Variants in FCRL3 observed in about 807,000 individuals in gnomAD.
FCRL3 encodes Fc receptor-like protein 3.
FCRL3 carries 89 observed loss-of-function variants against 75.0 expected under a neutral mutation model. That is an observed-to-expected ratio of 1.19 (90% CI 1.00 to 1.42). The LOEUF is 1.42. FCRL3 is among the 40% of genes most tolerant of loss of function. The probability of loss-of-function intolerance (pLI) is 0.00; values close to 1 mark genes in which losing one functional copy is unlikely to be tolerated. For missense variants in FCRL3, 946 were observed against 880.0 expected, an observed-to-expected ratio of 1.07 and a Z score of -0.95; for synonymous variants, 376 against 348.5, an observed-to-expected ratio of 1.08 and a Z score of -0.88.
intron 9 of FCRL3, 149 bp downstream of exon 9, chr1:157,690,106 C>A: frequency 7.8e-7 from 1 of 1,289,314 alleles, no homozygotes; most frequent in East Asian, 2.4e-5. Flanking sequence ...TTCCCTCTCC[C>A]ATATAAAATC....
At position 157,699,713 on chromosome 1, in the gene FCRL3, C is replaced by T; in HGVS notation, c.32-1G>A. 3 of 1,613,406 alleles carry T rather than the reference C, an allele frequency of 1.9e-6. No individual in the cohort carries two copies. The highest frequency in any genetic ancestry group is 2.5e-6 in the Non-Finnish European group (3 of 1,179,734). On this transcript the variant is annotated splice_acceptor_variant, in intron 2 of 14. Transcript: ENST00000368184. LOFTEE classifies it high-confidence loss of function. The stretch of plus-strand genomic sequence containing the variant: ...TTACCTGATTGTTCTCTTCCAGGAG[C>T]TGTGAGGGAGCAGAAAATGACAATC...
At chr1:157,698,722 T>C (rs2101627369) in intron 3 of FCRL3, 93 bp from the exon 4 acceptor site, 1 of 1,346,220 alleles carries the variant, frequency 7.4e-7, no homozygotes, top group African/African-American at 1.4e-5. Flanking sequence ...GGAGTTTTCC[T>C]GGACTAATTT....
rs1360835155 is a variant in FCRL3, at chr1:157,676,552, G to A, written c.*2158C>T. On this transcript the variant is annotated 3_prime_UTR_variant, in exon 15 of 15. Coordinates refer to ENST00000368184, the MANE Select transcript of FCRL3 (RefSeq NM_052939.4). The stretch of plus-strand genomic sequence containing the variant: ...CTTTTTTTAGATTTCTGGGCTATGG[G>A]TTTTTAGTTGTGAATTCAAAGATAA... The A allele has an allele frequency of 4.6e-6, 3 of 655,054 alleles. No individual in the cohort carries two copies. Among genetic ancestry groups the A allele is most frequent in the East Asian group, 2.9e-5 (1 of 34,870 alleles). The allele number at this position is 655,054 out of a possible 1,614,324, so 40.6% of individuals were successfully genotyped here.
At chr1:157,694,065 A>AT (rs1402215147) in intron 8 of FCRL3, among the ~76,000 whole-genome samples, 1 of 151,744 alleles carries the variant, frequency 6.6e-6, no homozygotes, top group Non-Finnish European at 1.5e-5. Context: ...TTTAATTTCT[A>AT]TTTTTTCTGT....
At chr1:157,693,339 A>G (rs1655676661) in intron 8 of FCRL3, among the ~76,000 whole-genome samples, 1 of 152,044 alleles carries the variant, frequency 6.6e-6, no homozygotes, top group Admixed American at 6.6e-5. Context: ...TACAAGAACA[A>G]CTAATGAACA....
rs1655424569 is a variant in FCRL3 at position 157,690,164 on chromosome 1, C to T, written c.1690+91G>A. On this transcript the variant is annotated intron_variant, in intron 9 of 14. Coordinates refer to ENST00000368184, the MANE Select transcript of FCRL3 (RefSeq NM_052939.4). ...AAGCCTTCGTGTGCATGTTCAAAAC[C>T]TCCTTGGTGCTAGTAGAATTTGTAC... 2.6e-6 allele frequency: 4 copies of T among 1,523,182 alleles called. No homozygotes were observed. In the East Asian group the frequency reaches 9.1e-5, roughly 35 times the overall value. 94.4% of individuals were successfully genotyped at this position (1,523,182 alleles called of 1,614,324 possible).
intron 13 of FCRL3, among the ~76,000 whole-genome samples, chr1:157,679,714 G>A (rs1031182711): frequency 7.3e-5 from 11 of 150,450 alleles, no homozygotes; most frequent in Admixed American, 2.0e-4. Context: ...CTGTAATCCC[G>A]GCTACTTAGG....
chr1:157,677,341 G>T lies in FCRL3; in HGVS notation c.*1369C>A. On this transcript the variant is annotated 3_prime_UTR_variant, in exon 15 of 15. Coordinates refer to ENST00000368184, the MANE Select transcript of FCRL3 (RefSeq NM_052939.4). The stretch of plus-strand genomic sequence containing the variant: ...GTAAGACATTCCCTAGGGACTCCAA[G>T]AAATATTGATTAGAGGAAGATGTGG... The T allele has an allele frequency of 4.1e-6, 4 of 986,270 alleles. No individual in the cohort carries two copies. Among genetic ancestry groups the T allele is most frequent in the Non-Finnish European group, 4.8e-6 (4 of 830,490 alleles). The allele number at this position is 986,270 out of a possible 1,614,324, so 61.1% of individuals were successfully genotyped here.
In FCRL3 at chr1:157,697,878, C is replaced by T. The variant is rs1459275842; in HGVS notation, c.340G>A (p.Asp114Asn). 2 of 1,613,960 alleles carry T rather than the reference C, an allele frequency of 1.2e-6. No individual in the cohort carries two copies. Among genetic ancestry groups the T allele is most frequent in the African/African-American group, 2.7e-5 (2 of 74,906 alleles). ...CCCTGACATCTCAGAATGACATTGT[C>T]TCCTTCAAAGACAGGATGTAAAGCC... ...LQALHPVFEG[D>N]NVILRCQGKD... The change falls in exon 5 of 15, where the codon GAC becomes AAC. Residue 114 changes from aspartate to asparagine, a missense_variant. Physicochemically the swap from Asp to Asn is conservative, Grantham distance 23. Transcript: ENST00000368184.
chr1:157,680,814 A>AT, intron 12 of FCRL3, 44 bp from the exon 13 acceptor site: 1 of 1,558,792 alleles, frequency 6.4e-7, no homozygotes. Context: ...AAGAGCTCAT[A>AT]TTCTAGACTC....
rs201082888 is a variant in FCRL3 at position 157,697,250 on chromosome 1, A to G, written c.734T>C (p.Leu245Pro). Residue 245 changes from leucine to proline, a missense_variant, in exon 6 of 15, where the codon CTC becomes CCC. Coordinates refer to ENST00000368184, the MANE Select transcript of FCRL3 (RefSeq NM_052939.4). ...TTCAGTCCACATGGCAGGGATCTGG[A>G]GTCTGGGGGACCTGCTCCAGCCCAA... is the stretch of plus-strand genomic sequence containing the variant. ...LGLGWSRSPRLQIPAMWTEDS... is the reference protein window; with the variant it reads ...LGLGWSRSPRPQIPAMWTEDS... The G allele has an allele frequency of 3.7e-6, 6 of 1,610,100 alleles. No homozygotes were observed. Among genetic ancestry groups the G allele is most frequent in the Non-Finnish European group, 5.1e-6 (6 of 1,177,762 alleles).
At chr1:157,680,919 C>G (rs1654796592) in intron 12 of FCRL3, 62 bp downstream of exon 12, 8 of 1,474,436 alleles carry the variant, frequency 5.4e-6, no homozygotes, top group Non-Finnish European at 6.5e-6. Context: ...TGGGCTGTCG[C>G]TCAATCCCTC....
Position 157,676,717 on chromosome 1 carries a change from T to C in FCRL3, c.*1993A>G. 1 of 1,550,416 alleles carries C rather than the reference T, an allele frequency of 6.4e-7. No homozygotes were observed. The highest frequency in any genetic ancestry group is 8.7e-7 in the Non-Finnish European group (1 of 1,146,862). On this transcript the variant is annotated 3_prime_UTR_variant, in exon 15 of 15. Transcript: ENST00000368184. ...ATACTCTGATTTGCACAGGGCTAAG[T>C]GTTACAAAGACATGGAAAATCTTGA...
At chr1:157,686,459 A>T (rs1397008665) in intron 10 of FCRL3, among the ~76,000 whole-genome samples, 3 of 152,120 alleles carry the variant, frequency 2.0e-5, no homozygotes, top group Non-Finnish European at 4.4e-5. Flanking sequence ...ATATGGAACC[A>T]AAAAAGAGCC....
At chr1:157,694,478 G>A (rs1655763349) in intron 8 of FCRL3, among the ~76,000 whole-genome samples, 1 of 152,126 alleles carries the variant, frequency 6.6e-6, no homozygotes, top group Non-Finnish European at 1.5e-5. Context: ...AAGAGTCCAT[G>A]GCAAAATCCA....
In FCRL3 at chr1:157,696,092, A is replaced by G. The variant is rs1052043785; in HGVS notation, c.1080T>C (p.Ala360=). ...TGAGGATGGGGCTGTGAACGTTATC[A>G]GCTGCACAGTAGTATCTCCCTGCAT... is the stretch of plus-strand genomic sequence containing the variant. ...ESDAGRYYCA[A]DNVHSPILST... is the part of the protein sequence containing the mutation. The change falls in exon 7 of 15, where the codon GCT becomes GCC. Residue 360 remains alanine (A), a synonymous_variant. Transcript: ENST00000368184. The G allele has an allele frequency of 5.6e-6, 9 of 1,613,502 alleles. No individual in the cohort carries two copies. The African/African-American group carries it at 1.1e-4, about 19-fold the overall frequency.
intron 10 of FCRL3, 108 bp downstream of exon 10, chr1:157,689,690 G>T: frequency 1.4e-6 from 2 of 1,432,994 alleles, no homozygotes; most frequent in East Asian, 2.4e-5. Flanking sequence ...GGAACTGAGG[G>T]CCTAGTACTT....
intron 13 of FCRL3, 196 bp from the exon 14 acceptor site, chr1:157,679,169 G>C: frequency 3.1e-6 from 2 of 639,118 alleles, no homozygotes; most frequent in South Asian, 1.9e-5. Context: ...TCTCTTGACT[G>C]TTTCCTCTGT....
chr1:157,685,187 TAGAAAATGGCATCCC>T (rs1472214379), intron 10 of FCRL3, among the ~76,000 whole-genome samples: 1 of 151,634 alleles, frequency 6.6e-6, no homozygotes, highest in Non-Finnish European at 1.5e-5. Context: ...TGTTATAGAT[TAGAAAATGGCATCCC>T]AGATAAACAA....
Sources: allele counts gnomAD v4.1 joint callset (sites outside exome capture counted in the v4.1 genomes callset), GRCh38; gene constraint gnomAD v4.1.1; transcripts MANE v1.5; gene names NCBI Gene and HGNC (gene_info 2026-07-23, HGNC 2026-07-21).